CENPP: variants seen among roughly 807,000 people sequenced by gnomAD.
CENPP encodes centromere protein P.
CENPP carries 24 observed loss-of-function variants against 35.6 expected under a neutral mutation model. That is an observed-to-expected ratio of 0.67 (90% CI 0.49 to 0.95). The LOEUF is 0.95. Ranked by LOEUF, CENPP falls within the 40% of genes least tolerant of loss-of-function variation. The probability of loss-of-function intolerance (pLI) is 0.00; values close to 1 mark genes in which losing one functional copy is unlikely to be tolerated. For missense variants in CENPP, 332 were observed against 345.3 expected (o/e 0.96, Z 0.31); for synonymous variants, 120 against 125.5 (o/e 0.96, Z 0.29).
At chr9:92,485,770 A>G (rs1026788521) in intron 5 of CENPP, among the ~76,000 whole-genome samples, 1 of 152,042 alleles carries the variant, frequency 6.6e-6, no homozygotes, top group Non-Finnish European at 1.5e-5. Context: ...GGCTAAAGCA[A>G]TCCTCCCATC....
chr9:92,402,383 A>G (rs374472055), intron 5 of CENPP, among the ~76,000 whole-genome samples: 33 of 152,236 alleles, frequency 2.2e-4, no homozygotes, highest in Non-Finnish European at 4.0e-4. Flanking sequence ...ATAAGTCTTT[A>G]TCCTCCAATT....
intron 3 of CENPP, among the ~76,000 whole-genome samples, chr9:92,345,139 G>C (rs894367626): frequency 6.6e-6 from 1 of 152,108 alleles, no homozygotes; most frequent in African/African-American, 2.4e-5. Flanking sequence ...TGTAGTCCCA[G>C]CTACTCGGGA....
intron 5 of CENPP, among the ~76,000 whole-genome samples, chr9:92,395,258 C>T (rs540225128): frequency 7.2e-4 from 110 of 152,114 alleles, no homozygotes; most frequent in Non-Finnish European, 1.3e-3. Context: ...CATTAGTTTG[C>T]ATTTAGGAGA....
chr9:92,555,520 C>T (rs559562703), intron 5 of CENPP, among the ~76,000 whole-genome samples: 93 of 152,104 alleles, frequency 6.1e-4, no homozygotes, highest in African/African-American at 2.1e-3. Flanking sequence ...TGAACCACTG[C>T]GCCTGGCCAG....
chr9:92,449,932 G>C (rs1440239973), intron 5 of CENPP, among the ~76,000 whole-genome samples: 1 of 152,094 alleles, frequency 6.6e-6, no homozygotes, highest in Admixed American at 6.6e-5. Context: ...ATAGCAGTGT[G>C]AGAATGGACT....
chr9:92,356,002 T>G (rs1423002569), intron 4 of CENPP, among the ~76,000 whole-genome samples: 1 of 152,208 alleles, frequency 6.6e-6, no homozygotes, highest in Non-Finnish European at 1.5e-5. Context: ...GTTTCTAAAT[T>G]TTCATATCAT....
chr9:92,345,690 T>C lies in CENPP; in HGVS notation c.379-9T>C, dbSNP rs753700584. 2.4e-5 allele frequency: 36 copies of C among 1,497,958 alleles called. No individual in the cohort carries two copies. The highest frequency in any genetic ancestry group is 5.4e-5 in the Admixed American group (3 of 55,624). The allele number at this position is 1,497,958 out of a possible 1,614,324, so 92.8% of individuals were successfully genotyped here. On this transcript the variant is annotated splice_polypyrimidine_tract_variant and intron_variant, in intron 3 of 7. Transcript: ENST00000375587. ...TGCTTTGATACAGAAATTTTTATCT[T>C]TATTTTAGAATAAGGAGAGATTATC...
chr9:92,610,632 GGGA>G (rs1851212555), intron 5 of CENPP: 1 of 152,226 alleles, frequency 6.6e-6, no homozygotes, highest in African/African-American at 2.4e-5. Context: ...CCCTGCTTTT[GGGA>G]GGAGGCTTTT....
intron 5 of CENPP, among the ~76,000 whole-genome samples, chr9:92,572,055 G>T (rs1180114403): frequency 6.6e-6 from 1 of 152,034 alleles, no homozygotes; most frequent in African/African-American, 2.4e-5. Context: ...TTGCCAGTCT[G>T]TGCCTTTTAA....
intron 3 of CENPP, among the ~76,000 whole-genome samples, chr9:92,338,194 C>G (rs756004942): frequency 1.3e-5 from 2 of 152,020 alleles, no homozygotes; most frequent in Non-Finnish European, 2.9e-5. Context: ...CACCTGTGCT[C>G]CCAGCTACTC....
chr9:92,603,730 G>C (rs1041078732), intron 5 of CENPP, among the ~76,000 whole-genome samples: 2 of 152,092 alleles, frequency 1.3e-5, no homozygotes, highest in African/African-American at 4.8e-5. Flanking sequence ...AGCAAGCCCT[G>C]ATGCCACACC....
At chr9:92,564,260 A>T (rs879305784) in intron 5 of CENPP, among the ~76,000 whole-genome samples, 6 of 151,966 alleles carry the variant, frequency 3.9e-5, no homozygotes, top group Non-Finnish European at 8.8e-5. Flanking sequence ...GTGATGGCGC[A>T]CACCTGTAAT....
At chr9:92,505,521 A>G (rs1563973209) in intron 5 of CENPP, 3 of 1,576,488 alleles carry the variant, frequency 1.9e-6, no homozygotes. Context: ...CACTAAAAAA[A>G]TATATTGTTA....
intron 5 of CENPP, among the ~76,000 whole-genome samples, chr9:92,562,446 T>C (rs1306173645): frequency 6.6e-6 from 1 of 152,094 alleles, no homozygotes; most frequent in African/African-American, 2.4e-5. Context: ...CCTCAGGTGA[T>C]CCACCTGCCT....
intron 1 of CENPP, among the ~76,000 whole-genome samples, chr9:92,330,224 G>C (rs1320181528): frequency 6.6e-6 from 1 of 152,116 alleles, no homozygotes; most frequent in Non-Finnish European, 1.5e-5. Flanking sequence ...CATACCAAGG[G>C]AAATATTTTA....
intron 5 of CENPP, among the ~76,000 whole-genome samples, chr9:92,394,195 A>G (rs1564296044): frequency 1.3e-5 from 2 of 151,694 alleles, no homozygotes; most frequent in African/African-American, 4.8e-5. Flanking sequence ...TCTTATTTTT[A>G]TATCAATATG....
chr9:92,612,378 G>T, intron 6 of CENPP, 145 bp from the exon 7 acceptor site: 1 of 663,162 alleles, frequency 1.5e-6, no homozygotes, highest in Non-Finnish European at 2.7e-6. Flanking sequence ...CTGTGCTACT[G>T]ACTGTGCCTC....
intron 4 of CENPP, among the ~76,000 whole-genome samples, chr9:92,375,940 A>C (rs1842116215): frequency 6.6e-6 from 1 of 150,778 alleles, no homozygotes; most frequent in South Asian, 2.1e-4. Context: ...AATACTGTAC[A>C]TTTTGAATAT....
chr9:92,452,074 A>G (rs1844727634), intron 5 of CENPP, among the ~76,000 whole-genome samples: 2 of 143,868 alleles, frequency 1.4e-5, no homozygotes, highest in African/African-American at 5.3e-5. Flanking sequence ...TCTTTTCCTA[A>G]TTGAATACCC....
Sources: allele counts gnomAD v4.1 joint callset (sites outside exome capture counted in the v4.1 genomes callset), GRCh38; gene constraint gnomAD v4.1.1; transcripts MANE v1.5; gene names NCBI Gene and HGNC (gene_info 2026-07-23, HGNC 2026-07-21).